SPAG6: variants seen among roughly 807,000 people sequenced by gnomAD.
The protein encoded by SPAG6 is sperm associated antigen 6, also known as sperm-associated antigen 6.
A neutral mutation model predicts 58.5 loss-of-function variants in SPAG6; 49 were observed. The observed-to-expected ratio is 0.84, with a 90% CI of 0.67 to 1.06. The LOEUF (loss-of-function observed/expected upper bound fraction) is 1.06, where lower values mean the gene tolerates loss of function less well. SPAG6 is among the 50% of genes least tolerant of loss of function. The pLI is 0.00. For synonymous variants in SPAG6, 233 were observed against 225.6 expected, an observed-to-expected ratio of 1.03 and a Z score of -0.29; for missense variants, 560 against 611.3, an observed-to-expected ratio of 0.92 and a Z score of 0.89.
intron 7 of SPAG6, among the ~76,000 whole-genome samples, chr10:22,390,830 G>A (rs1184644363): frequency 6.6e-6 from 1 of 152,108 alleles, no homozygotes; most frequent in Non-Finnish European, 1.5e-5. Flanking sequence ...CAGGAAATTG[G>A]TCTTAATAAC....
At chr10:22,388,070 A>G in intron 6 of SPAG6, 74 bp downstream of exon 6, 1 of 1,240,640 alleles carries the variant, frequency 8.1e-7, no homozygotes, top group South Asian at 1.5e-5. Flanking sequence ...CAATTTGTTT[A>G]TAGGGCCTAG....
intron 6 of SPAG6, 132 bp from the exon 7 acceptor site, chr10:22,389,028 T>C: frequency 3.0e-6 from 2 of 670,416 alleles, no homozygotes; most frequent in East Asian, 2.8e-5. Flanking sequence ...TTAATAAATA[T>C]AATAATTTCA....
At chr10:22,385,868 C>G (rs1217922289) in intron 4 of SPAG6, among the ~76,000 whole-genome samples, 1 of 152,092 alleles carries the variant, frequency 6.6e-6, no homozygotes, top group East Asian at 1.9e-4. Context: ...GGAAGAGATT[C>G]CAGAAATGGG....
chr10:22,372,448 C>T (rs1008262165), intron 4 of SPAG6, among the ~76,000 whole-genome samples: 3 of 152,186 alleles, frequency 2.0e-5, no homozygotes, highest in Non-Finnish European at 4.4e-5. Context: ...GTGGGATTCC[C>T]CAGCCGCCGG....
At chr10:22,393,851 G>A (rs1355383868) in intron 8 of SPAG6, among the ~76,000 whole-genome samples, 1 of 152,170 alleles carries the variant, frequency 6.6e-6, no homozygotes, top group African/African-American at 2.4e-5. Flanking sequence ...GTAGGGAAAA[G>A]TGTATCCAAG....
intron 7 of SPAG6, among the ~76,000 whole-genome samples, chr10:22,390,740 C>G (rs770406345): frequency 4.6e-5 from 7 of 152,146 alleles, no homozygotes; most frequent in Non-Finnish European, 1.0e-4. Context: ...ATTCTGAAGA[C>G]AGGTCTGACC....
chr10:22,375,589 T>C (rs1485247762), intron 4 of SPAG6, among the ~76,000 whole-genome samples: 1 of 151,222 alleles, frequency 6.6e-6, no homozygotes, highest in Admixed American at 6.6e-5. Context: ...GATTTTCTTT[T>C]TTTTTTTTTT....
At chr10:22,403,138 T>C (rs1174465072) in intron 9 of SPAG6, among the ~76,000 whole-genome samples, 1 of 152,102 alleles carries the variant, frequency 6.6e-6, no homozygotes, top group Non-Finnish European at 1.5e-5. Flanking sequence ...TTTTTTTAAA[T>C]TTATTATTAT....
chr10:22,346,529 T>TC (rs1836561671), intron 2 of SPAG6, among the ~76,000 whole-genome samples: 2 of 148,198 alleles, frequency 1.3e-5, no homozygotes, highest in African/African-American at 2.5e-5. Context: ...TTCTTCTTCT[T>TC]TTCTTCTTTC....
chr10:22,378,669 A>G (rs902054114), intron 4 of SPAG6, among the ~76,000 whole-genome samples: 3 of 152,280 alleles, frequency 2.0e-5, no homozygotes, highest in Admixed American at 1.3e-4. Flanking sequence ...CTAATGCTAA[A>G]TTAGTGGTGG....
chr10:22,379,034 C>T (rs569947043), intron 4 of SPAG6, among the ~76,000 whole-genome samples: 1 of 152,270 alleles, frequency 6.6e-6, no homozygotes, highest in African/African-American at 2.4e-5. Flanking sequence ...AAACTAATGG[C>T]TCTGACGATT....
intron 4 of SPAG6, among the ~76,000 whole-genome samples, chr10:22,383,471 C>T (rs1196163392): frequency 6.6e-6 from 1 of 151,816 alleles, no homozygotes; most frequent in East Asian, 1.9e-4. Flanking sequence ...AACCCTGTCT[C>T]CACTAAAAAT....
At chr10:22,414,154 T>C (rs1198260961) in intron 10 of SPAG6, among the ~76,000 whole-genome samples, 1 of 152,138 alleles carries the variant, frequency 6.6e-6, no homozygotes, top group Non-Finnish European at 1.5e-5. Context: ...GGAAGCAGCT[T>C]TGGGGCAACA....
intron 4 of SPAG6, among the ~76,000 whole-genome samples, chr10:22,382,291 T>TA (rs1833974250): frequency 6.6e-6 from 1 of 152,130 alleles, no homozygotes. Context: ...ATTCCTTTAC[T>TA]AAAAAACAAC....
At chr10:22,383,008 A>G (rs886821870) in intron 4 of SPAG6, among the ~76,000 whole-genome samples, 1 of 152,234 alleles carries the variant, frequency 6.6e-6, no homozygotes. Flanking sequence ...CTTGTTTGTT[A>G]TGTAACAGTA....
At chr10:22,356,852 A>G (rs1836882834) in intron 2 of SPAG6, among the ~76,000 whole-genome samples, 2 of 151,870 alleles carry the variant, frequency 1.3e-5, no homozygotes, top group Admixed American at 1.3e-4. Context: ...CTTTTTCCCT[A>G]CTGTAATCAG....
At chr10:22,352,450 C>G (rs1836756018) in intron 2 of SPAG6, among the ~76,000 whole-genome samples, 1 of 152,086 alleles carries the variant, frequency 6.6e-6, no homozygotes, top group Non-Finnish European at 1.5e-5. Flanking sequence ...TGCTATAAAT[C>G]TGTGAAGACA....
intron 3 of SPAG6, among the ~76,000 whole-genome samples, chr10:22,366,677 C>A (rs1442829296): frequency 6.6e-6 from 1 of 152,102 alleles, no homozygotes; most frequent in Non-Finnish European, 1.5e-5. Flanking sequence ...TACAAGGAGT[C>A]ACAGAAATTT....
intron 4 of SPAG6, among the ~76,000 whole-genome samples, chr10:22,381,356 TA>T (rs1421603995): frequency 4.0e-5 from 6 of 151,490 alleles, no homozygotes; most frequent in African/African-American, 1.5e-4. Context: ...TGCCAACACT[TA>T]AAAACCAGAT....
Sources: gnomAD v4.1 joint callset for allele counts (sites outside exome capture counted in the v4.1 genomes callset) on GRCh38, gnomAD v4.1.1 for gene constraint, MANE v1.5 for transcripts, NCBI Gene and HGNC (gene_info 2026-07-23, HGNC 2026-07-21) for gene names.